ZCCHC17: variants seen among roughly 807,000 people sequenced by gnomAD.
ZCCHC17 encodes the protein zinc finger CCHC-type containing 17.
Under a neutral mutation model 30.6 loss-of-function variants are expected in ZCCHC17, and 18 were observed. The ratio of observed to expected loss-of-function variants is 0.59; its 90% CI spans 0.41 to 0.87. The LOEUF (loss-of-function observed/expected upper bound fraction) is 0.87, where lower values mean the gene tolerates loss of function less well. ZCCHC17 is among the 40% of genes least tolerant of loss of function. The pLI, the probability that ZCCHC17 is intolerant of heterozygous loss-of-function variation, is 0.00. For synonymous variants in ZCCHC17, 88 were observed against 92.4 expected (o/e 0.95, Z 0.27); for missense variants, 263 against 284.2 (o/e 0.93, Z 0.54).
At chr1:31,310,399 T>G (rs1646573149) in intron 2 of ZCCHC17, among the ~76,000 whole-genome samples, 1 of 152,256 alleles carries the variant, frequency 6.6e-6, no homozygotes. Flanking sequence ...TTAAAATGAA[T>G]TTATTTTTTC....
At chr1:31,347,305 A>G (rs1639311506) in intron 6 of ZCCHC17, among the ~76,000 whole-genome samples, 1 of 152,222 alleles carries the variant, frequency 6.6e-6, no homozygotes, top group African/African-American at 2.4e-5. Flanking sequence ...AGTTGGAGCT[A>G]TAATGAGAGA....
chr1:31,355,178 TAAAAAAAAA>T (rs59792081), intron 7 of ZCCHC17, among the ~76,000 whole-genome samples: 130 of 137,562 alleles, frequency 9.5e-4, no homozygotes, highest in Non-Finnish European at 1.1e-3. Context: ...CCATCTCAAT[TAAAAAAAAA>T]AAAAAAAAAA....
chr1:31,361,255 T>G (rs911533717), intron 7 of ZCCHC17, among the ~76,000 whole-genome samples: 2 of 152,220 alleles, frequency 1.3e-5, no homozygotes, highest in African/African-American at 4.8e-5. Context: ...AAGGAAGAAT[T>G]GTTATTTCAT....
intron 3 of ZCCHC17, among the ~76,000 whole-genome samples, chr1:31,331,180 C>T (rs1408927654): frequency 3.3e-5 from 5 of 151,264 alleles, no homozygotes; most frequent in Admixed American, 2.0e-4. Flanking sequence ...CTTGCTCTGT[C>T]GCCCTGGCTG....
chr1:31,331,924 T>A lies in ZCCHC17; in HGVS notation c.125-5251T>A, dbSNP rs142326478. The stretch of plus-strand genomic sequence containing the variant: ...CATGCCCGGCCGAGATGGATTTTTT[T>A]ATGAGGAAGTGATAGTACACTAAAC... On this transcript the variant is annotated intron_variant, in intron 3 of 7. Transcript: ENST00000344147. 7.2e-3 allele frequency among the ~76,000 whole-genome samples: 1,093 copies of A among 152,286 alleles called. 12 individuals are homozygous for A. The highest frequency in any genetic ancestry group is 0.025 in the African/African-American group (1,021 of 41,564).
chr1:31,348,967 G>T lies in ZCCHC17; in HGVS notation c.557G>T (p.Arg186Ile). ...CCTACAAGGAATCCTTCTAGAAAAAGAAAGAAGGTGAATGCTACTTTGCTT... is the reference window on the plus strand; with the variant it reads ...CCTACAAGGAATCCTTCTAGAAAAATAAAGAAGGTGAATGCTACTTTGCTT... ...PDPTRNPSRK[R>I]KKEKKKKKHR... Residue 186 changes from arginine (R) to isoleucine (I), a missense_variant, in exon 7 of 8, where the codon AGA becomes ATA. Transcript: ENST00000344147. The T allele has an allele frequency of 6.4e-7, 1 of 1,571,868 alleles. No individual in the cohort carries two copies. Among genetic ancestry groups the T allele is most frequent in the Non-Finnish European group, 8.6e-7 (1 of 1,166,540 alleles).
intron 3 of ZCCHC17, 85 bp from the exon 4 acceptor site, chr1:31,337,090 C>A: frequency 7.8e-7 from 1 of 1,283,444 alleles, no homozygotes; most frequent in Non-Finnish European, 1.1e-6. Context: ...CCTTGCATTC[C>A]CCAACTCTTA....
intron 1 of ZCCHC17, among the ~76,000 whole-genome samples, chr1:31,305,348 C>T (rs1280125790): frequency 2.6e-5 from 4 of 151,872 alleles, no homozygotes; most frequent in Non-Finnish European, 5.9e-5. Flanking sequence ...GGTATGATCA[C>T]GGCTCAGTGC....
Position 31,355,124 on chromosome 1 carries a change from G to A in ZCCHC17, c.564+6150G>A, listed in dbSNP as rs890017774. ...CAGGAGGCGGAGGGTGCAGTGAGCC[G>A]AGATTGCGCCACTGCACTCCAGCCT... On this transcript the variant is annotated intron_variant, in intron 7 of 7. Coordinates refer to ENST00000344147, the MANE Select transcript of ZCCHC17 (RefSeq NM_016505.4). Among the ~76,000 whole-genome samples the A allele has an allele frequency of 9.3e-5, 14 of 150,408 alleles. No individual in the cohort carries two copies. The South Asian group carries it at 1.7e-3, about 18-fold the overall frequency.
chr1:31,364,458 T>G lies in ZCCHC17; in HGVS notation c.*265T>G. 2.0e-6 allele frequency: 1 copy of G among 498,256 alleles called. No individual in the cohort carries two copies. Among genetic ancestry groups the G allele is most frequent in the South Asian group, 4.3e-5 (1 of 23,200 alleles). 30.9% of individuals were successfully genotyped at this position (498,256 alleles called of 1,614,324 possible). On this transcript the variant is annotated 3_prime_UTR_variant, in exon 8 of 8. Transcript: ENST00000344147. ...CACCCATTCATTCACCCAACTTCCT[T>G]CATTCAGCAGGAGGTCCTATTACCC... is the stretch of plus-strand genomic sequence containing the variant.
At chr1:31,348,794 C>A (rs534456319) in intron 6 of ZCCHC17, 35 bp from the exon 7 acceptor site, 2 of 1,611,608 alleles carry the variant, frequency 1.2e-6, no homozygotes, top group Non-Finnish European at 1.7e-6. Context: ...GAGACTACTT[C>A]CTTTTTCTAT....
intron 2 of ZCCHC17, among the ~76,000 whole-genome samples, chr1:31,316,652 G>A (rs1002748165): frequency 2.6e-5 from 4 of 152,074 alleles, no homozygotes; most frequent in South Asian, 2.1e-4. Context: ...TGATCTCTAC[G>A]TTCCTCATTT....
Position 31,364,391 on chromosome 1 carries a change from T to C in ZCCHC17, c.*198T>C. 7.9e-6 allele frequency: 7 copies of C among 889,580 alleles called. No homozygotes were observed. Among genetic ancestry groups the C allele is most frequent in the Non-Finnish European group, 1.2e-5 (7 of 600,412 alleles). The allele number at this position is 889,580 out of a possible 1,614,324, so 55.1% of individuals were successfully genotyped here. A position where few individuals can be genotyped will look rare whatever the true frequency, so the allele number is the denominator to read the frequency against. On this transcript the variant is annotated 3_prime_UTR_variant, in exon 8 of 8. Transcript: ENST00000344147. ...GCAGCTGCCTGAATGAGTTGTTGTTTCCTTATCACTCCTGGTCCCTTTGCA... is the reference window on the plus strand; with the variant it reads ...GCAGCTGCCTGAATGAGTTGTTGTTCCCTTATCACTCCTGGTCCCTTTGCA...
At chr1:31,330,843 G>A (rs1428499960) in intron 3 of ZCCHC17, among the ~76,000 whole-genome samples, 1 of 152,158 alleles carries the variant, frequency 6.6e-6, no homozygotes, top group East Asian at 1.9e-4. Context: ...ATTTTATATG[G>A]TGTCCTCTAC....
Position 31,364,465 on chromosome 1 carries a change from G to A in ZCCHC17, c.*272G>A. 2.0e-6 allele frequency: 1 copy of A among 501,734 alleles called. No homozygotes were observed. Among genetic ancestry groups the A allele is most frequent in the South Asian group, 3.8e-5 (1 of 26,588 alleles). 31.1% of individuals were successfully genotyped at this position (501,734 alleles called of 1,614,324 possible). On this transcript the variant is annotated 3_prime_UTR_variant, in exon 8 of 8. Coordinates refer to ENST00000344147, the MANE Select transcript of ZCCHC17 (RefSeq NM_016505.4). ...TCATTCACCCAACTTCCTTCATTCA[G>A]CAGGAGGTCCTATTACCCTCTCCAG...
chr1:31,322,577 C>T (rs537981130), intron 3 of ZCCHC17, among the ~76,000 whole-genome samples: 2 of 152,284 alleles, frequency 1.3e-5, no homozygotes, highest in African/African-American at 4.8e-5. Flanking sequence ...TGGATGTGTT[C>T]ACCAACTCTC....
chr1:31,315,472 G>A (rs999127686), intron 2 of ZCCHC17, among the ~76,000 whole-genome samples: 5 of 152,132 alleles, frequency 3.3e-5, no homozygotes, highest in African/African-American at 4.8e-5. Context: ...TAGGAGGTAC[G>A]AGCATAGCAA....
intron 2 of ZCCHC17, among the ~76,000 whole-genome samples, chr1:31,313,628 C>T (rs1454404881): frequency 1.3e-5 from 2 of 152,118 alleles, no homozygotes; most frequent in East Asian, 1.9e-4. Flanking sequence ...CTCTTTAAAG[C>T]CTCTGTCCTT....
At chr1:31,303,338 C>G (rs1386346071) in intron 1 of ZCCHC17, among the ~76,000 whole-genome samples, 1 of 152,154 alleles carries the variant, frequency 6.6e-6, no homozygotes, top group Non-Finnish European at 1.5e-5. Flanking sequence ...TGTCTCTGTT[C>G]ATATCCTAGT....
Sources: gnomAD v4.1 joint callset for allele counts (sites outside exome capture counted in the v4.1 genomes callset) on GRCh38, gnomAD v4.1.1 for gene constraint, MANE v1.5 for transcripts, NCBI Gene and HGNC (gene_info 2026-07-23, HGNC 2026-07-21) for gene names.